The following SLC25A34 variants were observed in gnomAD, a reference collection of about 807,000 sequenced individuals.
The protein encoded by SLC25A34 is solute carrier family 25 member 34, also known as solute carrier family 25, member 34.
Under a neutral mutation model 28.1 loss-of-function variants are expected in SLC25A34, and 26 were observed. The observed-to-expected ratio is 0.93, with a 90% CI of 0.68 to 1.28. SLC25A34 has a LOEUF of 1.28. Ranked by LOEUF, SLC25A34 falls within the 50% of genes most tolerant of loss-of-function variation. SLC25A34 has a pLI of 0.00. For synonymous variants in SLC25A34, 182 were observed against 182.2 expected (o/e 1.00, Z 0.01); for missense variants, 384 against 409.8 (o/e 0.94, Z 0.54).
Position 15,739,351 on chromosome 1 carries a change from TCTTCTGGGACGAG to T in SLC25A34, c.865_877del (p.Trp289GlyfsTer105). ...GGCCCCCACACCATCCTCAGCATGC[TCTTCTGGGACGAG>T]CTTCGGAAACTGGCTGGGCGGGCCC... On this transcript the variant is annotated frameshift_variant, in exon 5 of 5. Transcript: ENST00000294454. LOFTEE classifies it high-confidence loss of function. 1.3e-6 allele frequency: 2 copies of T among 1,594,840 alleles called. No homozygotes were observed. The highest frequency in any genetic ancestry group is 8.5e-7 in the Non-Finnish European group (1 of 1,170,672).
rs572670853 is a variant in SLC25A34 at position 15,736,367 on chromosome 1, G to C, written c.-119G>C. 7.2e-5 allele frequency: 82 copies of C among 1,139,812 alleles called. No individual in the cohort carries two copies. In the African/African-American group the frequency reaches 1.2e-3, roughly 17 times the overall value. 70.6% of individuals were successfully genotyped at this position (1,139,812 alleles called of 1,614,324 possible). A position where few individuals can be genotyped will look rare whatever the true frequency, so the allele number is the denominator to read the frequency against. Reference sequence around the variant, plus strand: ...ACCCTTACCCTCTAGACATGGCCTCGGTCCCCTGCAAACCCCAGCCCCGTA... The same window carrying C: ...ACCCTTACCCTCTAGACATGGCCTCCGTCCCCTGCAAACCCCAGCCCCGTA... On this transcript the variant is annotated 5_prime_UTR_variant, in exon 1 of 5. Coordinates refer to ENST00000294454, the MANE Select transcript of SLC25A34 (RefSeq NM_207348.3).
In SLC25A34 at chr1:15,738,644, C is replaced by T. The variant is rs1184945269; in HGVS notation, c.648C>T (p.Ser216=). 2 of 1,609,370 alleles carry T rather than the reference C, an allele frequency of 1.2e-6. No individual in the cohort carries two copies. Among genetic ancestry groups the T allele is most frequent in the Admixed American group, 3.4e-5 (2 of 59,574 alleles). The change falls in exon 4 of 5, where the codon AGC becomes AGT. Residue 216 remains serine (S), a synonymous_variant. Transcript: ENST00000294454. ...TGGCCCTGGCTGGGGGCATGATCAG[C>T]AGCATAGCCGTGGTTGTCGTCATGA... ...WLVALAGGMI[S]SIAVVVVMTP... is the part of the protein sequence containing the mutation.
At position 15,736,873 on chromosome 1, in the gene SLC25A34, T is replaced by C. The variant is rs754535026; in HGVS notation, c.378+10T>C. 2 of 1,524,356 alleles carry C rather than the reference T, an allele frequency of 1.3e-6. No individual in the cohort carries two copies. Among genetic ancestry groups the C allele is most frequent in the Non-Finnish European group, 8.8e-7 (1 of 1,139,162 alleles). 94.4% of individuals were successfully genotyped at this position (1,524,356 alleles called of 1,614,324 possible). A position where few individuals can be genotyped will look rare whatever the true frequency, so the allele number is the denominator to read the frequency against. ...GAGCCCTGCTTACCTGGTGAGTGGC[T>C]TGTCTCCATCGTCCACCCTCCACCA... On this transcript the variant is annotated intron_variant, in intron 1 of 4. Coordinates refer to ENST00000294454, the MANE Select transcript of SLC25A34 (RefSeq NM_207348.3).
chr1:15,738,937 T>G, intron 4 of SLC25A34: 1 of 634,518 alleles, frequency 1.6e-6, no homozygotes, highest in Non-Finnish European at 2.5e-6. Flanking sequence ...ACATCTGGAT[T>G]TTATTCCATC....
Position 15,738,090 on chromosome 1 carries a change from C to G in SLC25A34, c.445-3C>G. 6.2e-7 allele frequency: 1 copy of G among 1,609,860 alleles called. No individual in the cohort carries two copies. Among genetic ancestry groups the G allele is most frequent in the Non-Finnish European group, 8.5e-7 (1 of 1,177,516 alleles). On this transcript the variant is annotated splice_polypyrimidine_tract_variant and splice_region_variant and intron_variant, in intron 2 of 4. Coordinates refer to ENST00000294454, the MANE Select transcript of SLC25A34 (RefSeq NM_207348.3). Reference sequence around the variant, plus strand: ...CCAGTGACCCCGTGCCCTCTCCCCACAGACTGTCCTGGGTGCCTTGGAGAC... The same window carrying G: ...CCAGTGACCCCGTGCCCTCTCCCCAGAGACTGTCCTGGGTGCCTTGGAGAC...
At position 15,738,103 on chromosome 1, in the gene SLC25A34, G is replaced by A. The variant is rs1203272349; in HGVS notation, c.455G>A (p.Gly152Asp). ...GHQHNHQTVLGALETIWRQQG... is the reference protein window; with the variant it reads ...GHQHNHQTVLDALETIWRQQG... Reference sequence around the variant, plus strand: ...GCCCTCTCCCCACAGACTGTCCTGGGTGCCTTGGAGACCATCTGGCGGCAG... The same window carrying A: ...GCCCTCTCCCCACAGACTGTCCTGGATGCCTTGGAGACCATCTGGCGGCAG... The change falls in exon 3 of 5, where the codon GGT becomes GAT. Residue 152 changes from glycine (G) to aspartate (D), a missense_variant. By Grantham distance (94) the Gly-to-Asp change is moderately conservative (BLOSUM62 -1). Transcript: ENST00000294454. 6 of 1,607,470 alleles carry A rather than the reference G, an allele frequency of 3.7e-6. No homozygotes were observed. Among genetic ancestry groups the A allele is most frequent in the Non-Finnish European group, 5.1e-6 (6 of 1,175,734 alleles).
Position 15,738,160 on chromosome 1 carries a change from G to A in SLC25A34, c.512G>A (p.Gly171Asp). 1 of 1,608,358 alleles carries A rather than the reference G, an allele frequency of 6.2e-7. No individual in the cohort carries two copies. Among genetic ancestry groups the A allele is most frequent in the Non-Finnish European group, 8.5e-7 (1 of 1,176,850 alleles). Residue 171 changes from glycine to aspartate, a missense_variant, in exon 3 of 5, where the codon GGT (glycine) becomes GAT (aspartate). By Grantham distance (94) the Gly-to-Asp change is moderately conservative (BLOSUM62 -1). Transcript: ENST00000294454. ...QGLLGLWQGV[G>D]GAVPRVMVGS... ...CTCTTGGGGCTGTGGCAGGGCGTTG[G>A]TGGGGCTGTGCCCCGAGTCATGGTG...
rs1238959005 is a variant in SLC25A34, at chr1:15,739,781, C to A, written c.*375C>A. ...CAGCACGAGGCAGGCACTTTTACTT[C>A]TTTTACCATTAGAAAGCCAAGGCCT... is the stretch of plus-strand genomic sequence containing the variant. On this transcript the variant is annotated 3_prime_UTR_variant, in exon 5 of 5. Transcript: ENST00000294454. 1.2e-5 allele frequency: 2 copies of A among 173,484 alleles called. No individual in the cohort carries two copies. The highest frequency in any genetic ancestry group is 1.2e-5 in the Non-Finnish European group (1 of 82,822). The allele number at this position is 173,484 out of a possible 1,614,324, so 10.7% of individuals were successfully genotyped here. A position where few individuals can be genotyped will look rare whatever the true frequency, so the allele number is the denominator to read the frequency against.
In SLC25A34 at chr1:15,740,831, A is replaced by G. The variant is rs2068273202; in HGVS notation, c.*1425A>G. On this transcript the variant is annotated 3_prime_UTR_variant, in exon 5 of 5. Coordinates refer to ENST00000294454, the MANE Select transcript of SLC25A34 (RefSeq NM_207348.3). ...CAGCCTCCCGAGTTGCTGGGACTAT[A>G]GGTGTGCGCCACCATGCCCAGCTAA... 1 of 152,212 alleles carries G rather than the reference A, an allele frequency of 6.6e-6. No individual in the cohort carries two copies. Among genetic ancestry groups the G allele is most frequent in the African/African-American group, 2.4e-5 (1 of 41,398 alleles). The allele number at this position is 152,212 out of a possible 1,614,324, so 9.4% of individuals were successfully genotyped here.
At position 15,736,871 on chromosome 1, in the gene SLC25A34, G is replaced by A; in HGVS notation, c.378+8G>A. The A allele has an allele frequency of 1.3e-6, 2 of 1,528,116 alleles. No individual in the cohort carries two copies. The highest frequency in any genetic ancestry group is 2.8e-5 in the African/African-American group (2 of 72,444). 94.7% of individuals were successfully genotyped at this position (1,528,116 alleles called of 1,614,324 possible). A position where few individuals can be genotyped will look rare whatever the true frequency, so the allele number is the denominator to read the frequency against. On this transcript the variant is annotated splice_region_variant and intron_variant, in intron 1 of 4. Transcript: ENST00000294454. Reference sequence around the variant, plus strand: ...GGGAGCCCTGCTTACCTGGTGAGTGGCTTGTCTCCATCGTCCACCCTCCAC... The same window carrying A: ...GGGAGCCCTGCTTACCTGGTGAGTGACTTGTCTCCATCGTCCACCCTCCAC...
chr1:15,738,268 G>A (rs1404940298), intron 3 of SLC25A34, 23 bp downstream of exon 3: 1 of 1,574,240 alleles, frequency 6.4e-7, no homozygotes, highest in Admixed American at 1.9e-5. Flanking sequence ...GGACACCTGT[G>A]CCTATCCACA....
chr1:15,737,969 C>G lies in SLC25A34; in HGVS notation c.419C>G (p.Ala140Gly). The G allele has an allele frequency of 6.2e-7, 1 of 1,613,870 alleles. No homozygotes were observed. The highest frequency in any genetic ancestry group is 8.5e-7 in the Non-Finnish European group (1 of 1,180,028). ...CAAGCTCAGACAGTGGCCGCAGTGG[C>G]CGTGGGACACCAGCACAATCACCAG... ...QLQAQTVAAVAVGHQHNHQTV... is the reference protein window; with the variant it reads ...QLQAQTVAAVGVGHQHNHQTV... The change falls in exon 2 of 5, where the codon GCC becomes GGC. Residue 140 changes from alanine (A) to glycine (G), a missense_variant. Coordinates refer to ENST00000294454, the MANE Select transcript of SLC25A34 (RefSeq NM_207348.3).
At chr1:15,739,180 C>T in intron 4 of SLC25A34, 44 bp from the exon 5 acceptor site, 3 of 1,587,254 alleles carry the variant, frequency 1.9e-6, no homozygotes, top group Non-Finnish European at 2.6e-6. Flanking sequence ...CCAGCCAGGG[C>T]CTCAAGGCCC....
chr1:15,737,907 C>G (rs201162790), intron 1 of SLC25A34, 22 bp from the exon 2 acceptor site: 7 of 1,613,842 alleles, frequency 4.3e-6, no homozygotes, highest in Non-Finnish European at 5.9e-6. Context: ...TCCCCACACC[C>G]GTGTCCTCTC....
At chr1:15,737,526 TG>T in intron 1 of SLC25A34, among the ~76,000 whole-genome samples, 1 of 149,670 alleles carries the variant, frequency 6.7e-6, no homozygotes, top group Non-Finnish European at 1.5e-5. Flanking sequence ...GCCAAGATCA[TG>T]GCACTGTACT....
intron 4 of SLC25A34, 53 bp downstream of exon 4, chr1:15,738,781 AACACACAC>A (rs71002925): frequency 4.5e-6 from 6 of 1,334,048 alleles, no homozygotes; most frequent in African/African-American, 1.5e-5. Flanking sequence ...GCACCCCCCC[AACACACAC>A]ACACACACAC....
chr1:15,736,712 G>C lies in SLC25A34; in HGVS notation c.227G>C (p.Gly76Ala). Reference sequence around the variant, plus strand: ...GGCCTGCAGAAGGGGCTGGCTGCCGGCCTTCTGTACCAAGGCCTCATGAAT... The same window carrying C: ...GGCCTGCAGAAGGGGCTGGCTGCCGCCCTTCTGTACCAAGGCCTCATGAAT... ...LWGLQKGLAA[G>A]LLYQGLMNGV... Residue 76 changes from glycine (G) to alanine (A), a missense_variant, in exon 1 of 5, where the codon GGC (glycine) becomes GCC (alanine). Transcript: ENST00000294454. The C allele has an allele frequency of 6.2e-7, 1 of 1,609,474 alleles. No homozygotes were observed. The highest frequency in any genetic ancestry group is 8.5e-7 in the Non-Finnish European group (1 of 1,179,216).
At position 15,738,344 on chromosome 1, in the gene SLC25A34, C is replaced by G. The variant is rs2068246549; in HGVS notation, c.597+99C>G. 3.5e-6 allele frequency: 5 copies of G among 1,448,570 alleles called. No individual in the cohort carries two copies. The South Asian group carries it at 7.1e-5, about 21-fold the overall frequency. 89.7% of individuals were successfully genotyped at this position (1,448,570 alleles called of 1,614,324 possible). A position where few individuals can be genotyped will look rare whatever the true frequency, so the allele number is the denominator to read the frequency against. On this transcript the variant is annotated intron_variant, in intron 3 of 4. Coordinates refer to ENST00000294454, the MANE Select transcript of SLC25A34 (RefSeq NM_207348.3). ...CACGGGGAAGACCAGGGGGTGGCAA[C>G]AGATGGGGCCCTGCCTCTGCCCTCA... is the stretch of plus-strand genomic sequence containing the variant.
rs2068258640 is a variant in SLC25A34 at position 15,739,352 on chromosome 1, C to A, written c.861C>A (p.Leu287=). ...RLGPHTILSM[L]FWDELRKLAG... Reference sequence around the variant, plus strand: ...GCCCCCACACCATCCTCAGCATGCTCTTCTGGGACGAGCTTCGGAAACTGG... The same window carrying A: ...GCCCCCACACCATCCTCAGCATGCTATTCTGGGACGAGCTTCGGAAACTGG... Residue 287 remains leucine, a synonymous_variant, in exon 5 of 5, where the codon CTC becomes CTA. Coordinates refer to ENST00000294454, the MANE Select transcript of SLC25A34 (RefSeq NM_207348.3). The A allele has an allele frequency of 1.3e-6, 2 of 1,591,456 alleles. No individual in the cohort carries two copies. Among genetic ancestry groups the A allele is most frequent in the South Asian group, 1.1e-5 (1 of 89,266 alleles).
Sources: gnomAD v4.1 joint callset for allele counts (sites outside exome capture counted in the v4.1 genomes callset) on GRCh38, gnomAD v4.1.1 for gene constraint, MANE v1.5 for transcripts, NCBI Gene and HGNC (gene_info 2026-07-23, HGNC 2026-07-21) for gene names.